The following ADAMTS2 variants were observed in gnomAD, a reference collection of about 807,000 sequenced individuals.
ADAMTS2 encodes the protein A disintegrin and metalloproteinase with thrombospondin motifs 2.
In ADAMTS2, 50 loss-of-function variants were observed where a neutral mutation model predicts 123.0. That is an observed-to-expected ratio of 0.41 (90% CI 0.32 to 0.51). ADAMTS2 has a LOEUF of 0.51. Among genes scored for constraint, ADAMTS2 ranks in the 20% least tolerant of loss-of-function variants. The pLI, the probability that ADAMTS2 is intolerant of heterozygous loss-of-function variation, is 0.35. For synonymous variants in ADAMTS2, 678 were observed against 695.4 expected (o/e 0.98, Z 0.39); for missense variants, 1,494 against 1,705.2 (o/e 0.88, Z 2.18).
At chr5:179,163,092 G>T (rs774707871) in intron 5 of ADAMTS2, among the ~76,000 whole-genome samples, 1 of 152,116 alleles carries the variant, frequency 6.6e-6, no homozygotes, top group African/African-American at 2.4e-5. Context: ...ACAGAGCTGC[G>T]GGAGGAGCCA....
Position 179,177,814 on chromosome 5 carries a change from G to T in ADAMTS2, c.975+3258C>A, listed in dbSNP as rs377742027. Among the ~76,000 whole-genome samples the T allele has an allele frequency of 3.7e-4, 56 of 152,318 alleles. No homozygotes were observed. In the South Asian group the frequency reaches 0.011, roughly 31 times the overall value. ...TAGGGTCGGGATAATTTAGCATAGAGCCTGCTAAGGAGTAATTAATAAAGG... is the reference window on the plus strand; with the variant it reads ...TAGGGTCGGGATAATTTAGCATAGATCCTGCTAAGGAGTAATTAATAAAGG... On this transcript the variant is annotated intron_variant, in intron 5 of 21. Transcript: ENST00000251582.
chr5:179,343,457 GA>G (rs1757838959), intron 2 of ADAMTS2, among the ~76,000 whole-genome samples: 1 of 152,178 alleles, frequency 6.6e-6, no homozygotes, highest in African/African-American at 2.4e-5. Context: ...CACATACACG[GA>G]CCCACCCCCG....
intron 2 of ADAMTS2, among the ~76,000 whole-genome samples, chr5:179,320,850 G>A (rs1401110036): frequency 6.6e-6 from 1 of 152,192 alleles, no homozygotes; most frequent in African/African-American, 2.4e-5. Flanking sequence ...TTTCCCCCGG[G>A]TTGTTGCCCT....
At chr5:179,286,720 G>A (rs1271123705) in intron 2 of ADAMTS2, among the ~76,000 whole-genome samples, 1 of 152,186 alleles carries the variant, frequency 6.6e-6, no homozygotes, top group East Asian at 1.9e-4. Context: ...AGCCATCACA[G>A]GGCAGCACAG....
intron 4 of ADAMTS2, among the ~76,000 whole-genome samples, chr5:179,201,397 TG>T (rs1282634745): frequency 6.6e-6 from 1 of 152,152 alleles, no homozygotes; most frequent in African/African-American, 2.4e-5. Flanking sequence ...AGTCATATGG[TG>T]CGATGTTATG....
chr5:179,116,947 C>T (rs1032861748), intron 21 of ADAMTS2, among the ~76,000 whole-genome samples: 3 of 152,152 alleles, frequency 2.0e-5, no homozygotes, highest in African/African-American at 7.2e-5. Flanking sequence ...AGGGGGAGGG[C>T]CTGGTACCCA....
At chr5:179,150,921 G>A (rs1224153998) in intron 10 of ADAMTS2, 1 of 158,092 alleles carries the variant, frequency 6.3e-6, no homozygotes, top group Non-Finnish European at 1.4e-5. Context: ...TTTTGAGACA[G>A]GGTCTTGCTG....
At chr5:179,124,782 C>T (rs1024446815) in intron 19 of ADAMTS2, among the ~76,000 whole-genome samples, 191 bp downstream of exon 19, 6 of 152,098 alleles carry the variant, frequency 3.9e-5, no homozygotes, top group Non-Finnish European at 7.4e-5. Flanking sequence ...GGGCCCGGCT[C>T]GCCAATGATC....
At chr5:179,264,754 C>G (rs1467007810) in intron 3 of ADAMTS2, among the ~76,000 whole-genome samples, 1 of 152,192 alleles carries the variant, frequency 6.6e-6, no homozygotes, top group East Asian at 1.9e-4. Context: ...CTGCGTAATT[C>G]CAGCAGCCCC....
chr5:179,308,282 G>A lies in ADAMTS2; in HGVS notation c.535-35218C>T, dbSNP rs562664681. ...CACAATTGTCTTAGCAGCAGGAGAC[G>A]CTGATGGGATGTCGGGAGTCACCAG... On this transcript the variant is annotated intron_variant, in intron 2 of 21. Transcript: ENST00000251582. The surrounding 1 kb of genome is among the most constrained non-coding windows in gnomAD (Gnocchi z 6.6). Among the ~76,000 whole-genome samples the A allele has an allele frequency of 1.8e-4, 28 of 152,318 alleles. No individual in the cohort carries two copies. Among genetic ancestry groups the A allele is most frequent in the Admixed American group, 1.5e-3 (23 of 15,304 alleles).
intron 12 of ADAMTS2, 94 bp downstream of exon 12, chr5:179,137,675 T>C: frequency 1.3e-6 from 2 of 1,497,666 alleles, no homozygotes; most frequent in Non-Finnish European, 1.8e-6. Flanking sequence ...CGCGGCAGCC[T>C]TGCCCCATGC....
chr5:179,168,342 A>G (rs945364613), intron 5 of ADAMTS2, among the ~76,000 whole-genome samples: 4 of 152,164 alleles, frequency 2.6e-5, no homozygotes, highest in Admixed American at 2.6e-4. Flanking sequence ...AGGAGCCTGA[A>G]GCTGGTGCTC....
intron 10 of ADAMTS2, among the ~76,000 whole-genome samples, chr5:179,149,557 C>T (rs367890003): frequency 1.3e-5 from 2 of 152,220 alleles, no homozygotes; most frequent in East Asian, 3.9e-4. Context: ...CGCAGTGGTC[C>T]TCCTGTCCCA....
chr5:179,343,014 G>A (rs1757826069), intron 2 of ADAMTS2, among the ~76,000 whole-genome samples: 1 of 152,200 alleles, frequency 6.6e-6, no homozygotes, highest in African/African-American at 2.4e-5. Context: ...AGCAGCTCAT[G>A]GGCACTAGAG....
chr5:179,311,613 T>C (rs1176398161), intron 2 of ADAMTS2, among the ~76,000 whole-genome samples: 1 of 152,218 alleles, frequency 6.6e-6, no homozygotes, highest in African/African-American at 2.4e-5. Flanking sequence ...TCACCCTTGA[T>C]ATCTGGTCAG....
intron 2 of ADAMTS2, among the ~76,000 whole-genome samples, chr5:179,338,559 G>A (rs931806792): frequency 1.3e-5 from 2 of 152,214 alleles, no homozygotes; most frequent in Non-Finnish European, 2.9e-5. Flanking sequence ...GAACGCTGGA[G>A]TTCTGCCTCC....
rs34930702 is a variant in ADAMTS2 at position 179,256,541 on chromosome 5, AG to A, written c.688+16369del. 6.7e-6 allele frequency among the ~76,000 whole-genome samples: 1 copy of A among 148,238 alleles called. No homozygotes were observed. Among genetic ancestry groups the A allele is most frequent in the African/African-American group, 2.4e-5 (1 of 41,096 alleles). ...GCCTGCGTGTGTGTGAGAGAGAGAG[AG>A]GAGAGAGAGACGGAGAGAGTTTATG... On this transcript the variant is annotated intron_variant, in intron 3 of 21. Coordinates refer to ENST00000251582, the MANE Select transcript of ADAMTS2 (RefSeq NM_014244.5). This position sits in a 1 kb window ranked among gnomAD's most constrained non-coding sequence, Gnocchi z 4.1.
chr5:179,200,783 C>A (rs1359566738), intron 4 of ADAMTS2, among the ~76,000 whole-genome samples: 1 of 152,044 alleles, frequency 6.6e-6, no homozygotes, highest in East Asian at 1.9e-4. Context: ...GTCACACACA[C>A]AAAAATGTAG....
rs534858393 is a variant in ADAMTS2 at position 179,181,815 on chromosome 5, T to G, written c.892-660A>C. On this transcript the variant is annotated intron_variant, in intron 4 of 21. Coordinates refer to ENST00000251582, the MANE Select transcript of ADAMTS2 (RefSeq NM_014244.5). This position sits in a 1 kb window ranked among gnomAD's most constrained non-coding sequence, Gnocchi z 4.1. ...ATTTAAAACCATTATTCTGAGCAGGTGCCAATGGGCTTCAGCAGATATCAA... is the reference window on the plus strand; with the variant it reads ...ATTTAAAACCATTATTCTGAGCAGGGGCCAATGGGCTTCAGCAGATATCAA... Among the ~76,000 whole-genome samples the G allele has an allele frequency of 1.3e-5, 2 of 152,110 alleles. No individual in the cohort carries two copies. The highest frequency in any genetic ancestry group is 2.9e-5 in the Non-Finnish European group (2 of 68,030).
Sources: gnomAD v4.1 joint callset for allele counts (sites outside exome capture counted in the v4.1 genomes callset) on GRCh38, gnomAD v4.1.1 for gene constraint, Gnocchi (gnomAD v3.1) non-coding constraint, MANE v1.5 for transcripts, NCBI Gene and HGNC (gene_info 2026-07-23, HGNC 2026-07-21) for gene names.